The following SGCZ variants were observed in gnomAD, a reference collection of about 807,000 sequenced individuals.
SGCZ encodes the protein sarcoglycan zeta.
In SGCZ, 40 loss-of-function variants were observed where a neutral mutation model predicts 41.3. The ratio of observed to expected loss-of-function variants is 0.97; its 90% CI spans 0.75 to 1.26. The LOEUF is 1.26. Ranked by LOEUF, SGCZ falls within the 50% of genes most tolerant of loss-of-function variation. The pLI, the probability that SGCZ is intolerant of heterozygous loss-of-function variation, is 0.00. For missense variants in SGCZ, 552 were observed against 369.8 expected (o/e 1.49, Z -4.04); for synonymous variants, 206 against 137.5 (o/e 1.50, Z -3.49).
chr8:14,369,414 T>C (rs1248221853), intron 2 of SGCZ, among the ~76,000 whole-genome samples: 1 of 152,000 alleles, frequency 6.6e-6, no homozygotes, highest in Admixed American at 6.6e-5. Context: ...TTTTGGTCTT[T>C]ATCAGGAATG....
At chr8:14,324,788 ATTAC>A (rs1802037783) in intron 2 of SGCZ, among the ~76,000 whole-genome samples, 3 of 152,118 alleles carry the variant, frequency 2.0e-5, no homozygotes, top group Admixed American at 6.5e-5. Context: ...ACAGAATAAA[ATTAC>A]TAAACAGAGT....
At chr8:15,112,948 G>C (rs961359293) in intron 1 of SGCZ, among the ~76,000 whole-genome samples, 18 of 152,124 alleles carry the variant, frequency 1.2e-4, no homozygotes, top group African/African-American at 4.1e-4. Flanking sequence ...ATGAAAAAAA[G>C]CAGGGCACAG....
chr8:14,730,232 C>G (rs1810191251), intron 1 of SGCZ, among the ~76,000 whole-genome samples: 1 of 152,140 alleles, frequency 6.6e-6, no homozygotes, highest in South Asian at 2.1e-4. Context: ...GTACAACTGG[C>G]ACATTCTTTA....
At chr8:14,500,164 C>T (rs953600647) in intron 2 of SGCZ, among the ~76,000 whole-genome samples, 1 of 152,094 alleles carries the variant, frequency 6.6e-6, no homozygotes, top group Non-Finnish European at 1.5e-5. Context: ...TTGTTTCATA[C>T]ATACTTTGCC....
chr8:14,424,561 A>G (rs73534072), intron 2 of SGCZ, among the ~76,000 whole-genome samples: 1,894 of 152,254 alleles, frequency 0.012, 42 homozygotes, highest in African/African-American at 0.043. Context: ...AATGTACATT[A>G]TGTGTTTGGA....
chr8:14,222,421 G>A (rs1438643263), intron 4 of SGCZ, among the ~76,000 whole-genome samples: 3 of 151,968 alleles, frequency 2.0e-5, no homozygotes, highest in Admixed American at 1.3e-4. Flanking sequence ...ACCCACCTCC[G>A]CCTCCCAAAG....
intron 1 of SGCZ, among the ~76,000 whole-genome samples, chr8:15,146,521 T>C (rs935793062): frequency 2.6e-5 from 4 of 152,232 alleles, no homozygotes; most frequent in African/African-American, 9.6e-5. Flanking sequence ...ACTACAAGAA[T>C]GTACCACTGT....
intron 4 of SGCZ, among the ~76,000 whole-genome samples, chr8:14,172,929 A>G (rs1804431338): frequency 6.6e-6 from 1 of 152,112 alleles, no homozygotes. Context: ...CTACTAGGGA[A>G]TGTGTGAGAT....
At chr8:14,093,763 C>T in intron 7 of SGCZ, among the ~76,000 whole-genome samples, 1 of 152,052 alleles carries the variant, frequency 6.6e-6, no homozygotes, top group African/African-American at 2.4e-5. Flanking sequence ...CAAATTTGCT[C>T]CAATTCTCCA....
chr8:14,313,942 G>A (rs1368864672), intron 3 of SGCZ, among the ~76,000 whole-genome samples: 2 of 146,504 alleles, frequency 1.4e-5, no homozygotes, highest in Non-Finnish European at 3.1e-5. Flanking sequence ...GTGTGTGTGT[G>A]TGTGTGTGTG....
intron 2 of SGCZ, among the ~76,000 whole-genome samples, chr8:14,348,929 T>C (rs1204226900): frequency 2.0e-5 from 3 of 152,172 alleles, no homozygotes; most frequent in Non-Finnish European, 4.4e-5. Context: ...GGAAAGTATA[T>C]AGAATTTTAC....
At chr8:14,734,293 T>A (rs936991520) in intron 1 of SGCZ, among the ~76,000 whole-genome samples, 1 of 152,028 alleles carries the variant, frequency 6.6e-6, no homozygotes, top group East Asian at 1.9e-4. Context: ...AAATAAGATA[T>A]CTACAAAATT....
rs141798601 is a variant in SGCZ, at chr8:14,656,906, C to T, written c.40-101980G>A. On this transcript the variant is annotated intron_variant, in intron 1 of 7. Coordinates refer to ENST00000382080, the MANE Select transcript of SGCZ (RefSeq NM_139167.4). ...ATAAGTATTAAATACTATATAAATACTTTAAAAATTAAAATACTAGAAACA... is the reference window on the plus strand; with the variant it reads ...ATAAGTATTAAATACTATATAAATATTTTAAAAATTAAAATACTAGAAACA... 2.6e-3 allele frequency among the ~76,000 whole-genome samples: 400 copies of T among 151,708 alleles called. 6 individuals carry two copies. The highest frequency in any genetic ancestry group is 0.021 in the East Asian group (110 of 5,170).
chr8:15,027,202 T>G (rs1365249298), intron 1 of SGCZ, among the ~76,000 whole-genome samples: 1 of 152,112 alleles, frequency 6.6e-6, no homozygotes, highest in African/African-American at 2.4e-5. Flanking sequence ...TCTTACAGAC[T>G]CACAATATGT....
At chr8:14,839,014 G>T (rs1337206008) in intron 1 of SGCZ, among the ~76,000 whole-genome samples, 1 of 152,036 alleles carries the variant, frequency 6.6e-6, no homozygotes, top group Non-Finnish European at 1.5e-5. Context: ...AGACCTGGAG[G>T]GTCTTGAGAA....
At chr8:14,530,910 G>A (rs1338745656) in intron 2 of SGCZ, among the ~76,000 whole-genome samples, 4 of 151,974 alleles carry the variant, frequency 2.6e-5, no homozygotes. Flanking sequence ...ATCATAATAG[G>A]TAAGTGAGGC....
intron 1 of SGCZ, among the ~76,000 whole-genome samples, chr8:14,558,614 A>AGAG (rs1214772308): frequency 4.1e-5 from 2 of 49,302 alleles, no homozygotes; most frequent in Non-Finnish European, 9.3e-5. Context: ...GAGAGAGAGA[A>AGAG]TCTTCCATAA....
chr8:14,585,633 TATATC>T (rs1465969202), intron 1 of SGCZ, among the ~76,000 whole-genome samples: 2 of 152,132 alleles, frequency 1.3e-5, no homozygotes, highest in African/African-American at 4.8e-5. Context: ...TTATGAAAAA[TATATC>T]AGACTCATTC....
intron 2 of SGCZ, among the ~76,000 whole-genome samples, chr8:14,507,921 G>A (rs1320176010): frequency 9.2e-5 from 14 of 152,006 alleles, no homozygotes; most frequent in East Asian, 1.9e-4. Context: ...ACAGGCATGC[G>A]CCACTACACC....
Sources: allele counts gnomAD v4.1 joint callset (sites outside exome capture counted in the v4.1 genomes callset), GRCh38; gene constraint gnomAD v4.1.1; transcripts MANE v1.5; gene names NCBI Gene and HGNC (gene_info 2026-07-23, HGNC 2026-07-21).